Variants in TSNARE1 observed in about 807,000 individuals in gnomAD.
The protein encoded by TSNARE1 is t-SNARE domain-containing protein 1.
TSNARE1 carries 49 observed loss-of-function variants against 62.0 expected under a neutral mutation model. The ratio of observed to expected loss-of-function variants is 0.79; its 90% CI spans 0.63 to 1.00. The LOEUF is 1.00. TSNARE1 is among the 50% of genes least tolerant of loss of function. The probability of loss-of-function intolerance (pLI) is 0.00; values close to 1 mark genes in which losing one functional copy is unlikely to be tolerated. For missense variants in TSNARE1, 755 were observed against 700.1 expected, an observed-to-expected ratio of 1.08 and a Z score of -0.88; for synonymous variants, 328 against 294.4, an observed-to-expected ratio of 1.11 and a Z score of -1.17.
At chr8:142,334,373 A>G (rs2132088242) in intron 4 of TSNARE1, among the ~76,000 whole-genome samples, 1 of 152,272 alleles carries the variant, frequency 6.6e-6, no homozygotes, top group Admixed American at 6.5e-5. Flanking sequence ...ATCATGGAAC[A>G]AGCTCTGACA....
chr8:142,278,546 G>C (rs548325073), intron 11 of TSNARE1: 544 of 985,292 alleles, frequency 5.5e-4, no homozygotes, highest in Non-Finnish European at 6.3e-4. Flanking sequence ...CTCCTGGCAC[G>C]GTGTCTTGAG....
chr8:142,253,365 C>T (rs181263082), intron 12 of TSNARE1, among the ~76,000 whole-genome samples: 9 of 152,332 alleles, frequency 5.9e-5, no homozygotes, highest in African/African-American at 1.7e-4. Context: ...AAGGCACAGA[C>T]AAGGTTCCGG....
Position 142,330,955 on chromosome 8 carries a change from C to G in TSNARE1, c.839G>C (p.Arg280Pro). 6.2e-7 allele frequency: 1 copy of G among 1,614,024 alleles called. No individual in the cohort carries two copies. The highest frequency in any genetic ancestry group is 8.5e-7 in the Non-Finnish European group (1 of 1,179,966). Reference sequence around the variant, plus strand: ...CGGTGTCCCTAAGGACTGAAGGCTCCGCTCCAAGGAGGTCACTGCCCGAGA... The same window carrying G: ...CGGTGTCCCTAAGGACTGAAGGCTCGGCTCCAAGGAGGTCACTGCCCGAGA... ...RINSSVTSLE[R>P]SLQSLGTPSD... Residue 280 changes from arginine to proline, a missense_variant, in exon 6 of 14, where the codon CGG (arginine) becomes CCG (proline). Physicochemically the swap from Arg to Pro is moderately radical, Grantham distance 103 (BLOSUM62 -2). Transcript: ENST00000524325.
In TSNARE1 at chr8:142,331,753, C is replaced by T. The variant is rs1387474359; in HGVS notation, c.823+1G>A. ...CAGGCCCAGGCCAGACGCACACTCA[C>T]CACTGGAGTTGATTCGGAAGACGTT... On this transcript the variant is annotated splice_donor_variant, in intron 5 of 13. Coordinates refer to ENST00000524325, the MANE Select transcript of TSNARE1 (RefSeq NM_145003.5). LOFTEE classifies it high-confidence loss of function. 6.3e-7 allele frequency: 1 copy of T among 1,594,480 alleles called. No homozygotes were observed. The highest frequency in any genetic ancestry group is 1.7e-5 in the Admixed American group (1 of 57,530).
At chr8:142,296,766 C>A (rs1350269440) in intron 10 of TSNARE1, among the ~76,000 whole-genome samples, 1 of 151,988 alleles carries the variant, frequency 6.6e-6, no homozygotes, top group Non-Finnish European at 1.5e-5. Context: ...CACATGGAAG[C>A]CAGCAGGGGT....
chr8:142,361,004 G>A (rs1421998367), intron 1 of TSNARE1, among the ~76,000 whole-genome samples: 2 of 152,132 alleles, frequency 1.3e-5, no homozygotes, highest in African/African-American at 2.4e-5. Context: ...TGGGAACAGC[G>A]TTCCCCGGGC....
At chr8:142,349,610 C>T (rs1259892281) in intron 2 of TSNARE1, among the ~76,000 whole-genome samples, 2 of 152,104 alleles carry the variant, frequency 1.3e-5, no homozygotes, top group South Asian at 2.1e-4. Flanking sequence ...AGGTCTCTGT[C>T]GATACTGACT....
intron 5 of TSNARE1, 144 bp downstream of exon 5, chr8:142,331,610 C>T (rs951421422): frequency 1.5e-4 from 113 of 745,222 alleles, no homozygotes; most frequent in Middle Eastern, 4.7e-4. Context: ...CATCCAACGT[C>T]GCATCAGTGG....
At chr8:142,377,848 G>C (rs1164005047) in intron 1 of TSNARE1, among the ~76,000 whole-genome samples, 1 of 152,220 alleles carries the variant, frequency 6.6e-6, no homozygotes, top group Non-Finnish European at 1.5e-5. Flanking sequence ...TAAAGACTCA[G>C]TAATAAATAA....
chr8:142,216,677 G>T (rs1295338271), intron 13 of TSNARE1, among the ~76,000 whole-genome samples: 2 of 152,216 alleles, frequency 1.3e-5, no homozygotes, highest in Non-Finnish European at 2.9e-5. Context: ...CAAAGCCTGG[G>T]GTGGGGGACG....
rs191422558 is a variant in TSNARE1 at position 142,291,667 on chromosome 8, G to A, written c.1291-7182C>T. Among the ~76,000 whole-genome samples the A allele has an allele frequency of 8.8e-4, 134 of 152,318 alleles. No individual in the cohort carries two copies. The highest frequency in any genetic ancestry group is 3.0e-3 in the African/African-American group (126 of 41,582). Reference sequence around the variant, plus strand: ...AACGCCGTTGCCTCCGCGGGCTTACGCTCGAGTGGCGAGAGATGAATCCTA... The same window carrying A: ...AACGCCGTTGCCTCCGCGGGCTTACACTCGAGTGGCGAGAGATGAATCCTA... On this transcript the variant is annotated intron_variant, in intron 10 of 13. Coordinates refer to ENST00000524325, the MANE Select transcript of TSNARE1 (RefSeq NM_145003.5). The surrounding 1 kb of genome is among the most constrained non-coding windows in gnomAD (Gnocchi z 4.8).
Position 142,318,643 on chromosome 8 carries a change from C to G in TSNARE1, c.894-9G>C. On this transcript the variant is annotated splice_polypyrimidine_tract_variant and intron_variant, in intron 6 of 13. Coordinates refer to ENST00000524325, the MANE Select transcript of TSNARE1 (RefSeq NM_145003.5). ...CCTGCTGTGCCGTGTGCCTGGGGGC[C>G]GAGAAGGAGCCAGGAGCGAAGGCAG... The G allele has an allele frequency of 1.9e-6, 3 of 1,613,148 alleles. No homozygotes were observed. The highest frequency in any genetic ancestry group is 2.5e-6 in the Non-Finnish European group (3 of 1,179,858).
At position 142,222,013 on chromosome 8, in the gene TSNARE1, TCACTCACTCATC is replaced by T. The variant is rs1455658483; in HGVS notation, c.*11+7448_*11+7459del. ...TTCACTCACTCACTGATTCACTCAC[TCACTCACTCATC>T]CACTCACTCATCCACTCATCCACTC... On this transcript the variant is annotated intron_variant, in intron 13 of 13. Coordinates refer to ENST00000524325, the MANE Select transcript of TSNARE1 (RefSeq NM_145003.5). Among the ~76,000 whole-genome samples the T allele has an allele frequency of 7.2e-3, 949 of 132,522 alleles. 23 individuals carry two copies. Among genetic ancestry groups the T allele is most frequent in the African/African-American group, 0.023 (868 of 37,560 alleles). The allele number at this position is 132,522 out of a possible 152,430, so 86.9% of individuals were successfully genotyped here.
At position 142,249,765 on chromosome 8, in the gene TSNARE1, G is replaced by A. The variant is rs80276788; in HGVS notation, c.1447-20186C>T. Among the ~76,000 whole-genome samples, 1,015 of 152,314 alleles carry A rather than the reference G, an allele frequency of 6.7e-3. 7 individuals carry two copies. The highest frequency in any genetic ancestry group is 0.023 in the African/African-American group (970 of 41,572). ...CCAAGCAGATCCCTTCAGGGAGACC[G>A]TGGCACTCCTCCTCCCTCTCCCTCA... On this transcript the variant is annotated intron_variant, in intron 12 of 13. Transcript: ENST00000524325.
At chr8:142,300,723 T>C in intron 9 of TSNARE1, 79 bp from the exon 10 acceptor site, 4 of 1,495,262 alleles carry the variant, frequency 2.7e-6, no homozygotes, top group Non-Finnish European at 3.6e-6. Flanking sequence ...TTCAACAAAA[T>C]GGTGCTTTTC....
At chr8:142,406,029 C>CA (rs1838579027), upstream of TSNARE1, 1 of 152,298 alleles carries the variant, frequency 6.6e-6, no homozygotes, top group Admixed American at 6.5e-5. Context: ...GCAGGAGGCA[C>CA]AATCGAGCCT....
chr8:142,226,371 C>A (rs4976972), intron 13 of TSNARE1, among the ~76,000 whole-genome samples: 71,635 of 152,100 alleles, frequency 0.47, 17,245 homozygotes, highest in East Asian at 0.6. Context: ...GGCGGGGGTC[C>A]TCTCTGCAGC....
chr8:142,248,889 G>A lies in TSNARE1; in HGVS notation c.1447-19310C>T, dbSNP rs185881779. Among the ~76,000 whole-genome samples the A allele has an allele frequency of 1.6e-3, 249 of 152,330 alleles. 1 individual carries two copies. Among genetic ancestry groups the A allele is most frequent in the African/African-American group, 5.8e-3 (240 of 41,582 alleles). On this transcript the variant is annotated intron_variant, in intron 12 of 13. Coordinates refer to ENST00000524325, the MANE Select transcript of TSNARE1 (RefSeq NM_145003.5). ...GGAGCAGGGGGCAGCTGAGGGCCTC[G>A]CTCACAGGGCTGGGTACTCAGCAGG... is the stretch of plus-strand genomic sequence containing the variant.
intron 12 of TSNARE1, among the ~76,000 whole-genome samples, chr8:142,243,169 AG>A (rs1284230195): frequency 9.8e-5 from 15 of 152,296 alleles, no homozygotes; most frequent in African/African-American, 3.4e-4. Context: ...AAATTAGCGC[AG>A]CCATCATGGA....
Sources: gnomAD v4.1 joint callset for allele counts (sites outside exome capture counted in the v4.1 genomes callset) on GRCh38, gnomAD v4.1.1 for gene constraint, Gnocchi (gnomAD v3.1) non-coding constraint, MANE v1.5 for transcripts, NCBI Gene and HGNC (gene_info 2026-07-23, HGNC 2026-07-21) for gene names.